OR5AS1: variants seen among roughly 807,000 people sequenced by gnomAD.
OR5AS1 encodes olfactory receptor family 5 subfamily AS member 1, also known as olfactory receptor 5AS1.
For missense variants in OR5AS1, 492 were observed against 378.2 expected, an observed-to-expected ratio of 1.30 and a Z score of -2.50; for synonymous variants, 196 against 141.7, an observed-to-expected ratio of 1.38 and a Z score of -2.72.
Position 56,036,101 on chromosome 11 carries a change from G to T in OR5AS1, c.*4708G>T, listed in dbSNP as rs1487530594. 6.6e-6 allele frequency: 1 copy of T among 151,912 alleles called. No individual in the cohort carries two copies. The highest frequency in any genetic ancestry group is 6.6e-5 in the Admixed American group (1 of 15,228). 9.4% of individuals were successfully genotyped at this position (151,912 alleles called of 1,614,324 possible). The stretch of plus-strand genomic sequence containing the variant: ...GAAACCAATGAGAACAAAGACACAA[G>T]GTATCAGAATCTCTGGGACATAGCT... On this transcript the variant is annotated 3_prime_UTR_variant, in exon 2 of 2. Coordinates refer to ENST00000641320, the MANE Select transcript of OR5AS1 (RefSeq NM_001001921.2).
In OR5AS1 at chr11:56,034,137, G is replaced by A. The variant is rs1853380353; in HGVS notation, c.*2744G>A. The A allele has an allele frequency of 6.6e-6, 1 of 152,132 alleles. No individual in the cohort carries two copies. The highest frequency in any genetic ancestry group is 1.5e-5 in the Non-Finnish European group (1 of 68,044). 9.4% of individuals were successfully genotyped at this position (152,132 alleles called of 1,614,324 possible). On this transcript the variant is annotated 3_prime_UTR_variant, in exon 2 of 2. Coordinates refer to ENST00000641320, the MANE Select transcript of OR5AS1 (RefSeq NM_001001921.2). ...CAAAGGTAGATAAATGCATGATGGT[G>A]AGGAAAAACCAATGCAAAAAGGCTG...
At position 56,029,615 on chromosome 11, in the gene OR5AS1, A is replaced by G. The variant is rs868073969; in HGVS notation, c.-28-776A>G. Among the ~76,000 whole-genome samples the G allele has an allele frequency of 5.3e-5, 8 of 152,182 alleles. No individual in the cohort carries two copies. In the South Asian group the frequency reaches 1.7e-3, roughly 32 times the overall value. On this transcript the variant is annotated intron_variant, in intron 1 of 1. Transcript: ENST00000641320. Reference sequence around the variant, plus strand: ...GATGTCAAAGACAAGATGAATATTGAGAATGATCTGGATATTTCATGGTGT... The same window carrying G: ...GATGTCAAAGACAAGATGAATATTGGGAATGATCTGGATATTTCATGGTGT...
intron 1 of OR5AS1, among the ~76,000 whole-genome samples, chr11:56,029,799 T>C (rs1158319060): frequency 6.6e-6 from 1 of 152,110 alleles, no homozygotes; most frequent in African/African-American, 2.4e-5. Flanking sequence ...TCATCTTAAC[T>C]ATCACAGAAA....
rs892423021 is a variant in OR5AS1, at chr11:56,038,028, C to A, written c.*6635C>A. On this transcript the variant is annotated 3_prime_UTR_variant, in exon 2 of 2. Coordinates refer to ENST00000641320, the MANE Select transcript of OR5AS1 (RefSeq NM_001001921.2). ...AAAACAAGCAATGAGGAAAGGATTC[C>A]CTATTTAATAAATGGTGTTGGGAAA... 2.0e-5 allele frequency: 3 copies of A among 152,184 alleles called. No homozygotes were observed. The highest frequency in any genetic ancestry group is 7.2e-5 in the African/African-American group (3 of 41,486). 9.4% of individuals were successfully genotyped at this position (152,184 alleles called of 1,614,324 possible).
rs1312393517 is a variant in OR5AS1, at chr11:56,031,102, C to T, written c.684C>T (p.Ile228=). 2 of 1,613,852 alleles carry T rather than the reference C, an allele frequency of 1.2e-6. No individual in the cohort carries two copies. The highest frequency in any genetic ancestry group is 2.2e-5 in the South Asian group (2 of 91,084). The change falls in exon 2 of 2, where the codon ATC becomes ATT. Residue 228 remains isoleucine (I), a synonymous_variant. Coordinates refer to ENST00000641320, the MANE Select transcript of OR5AS1 (RefSeq NM_001001921.2). ...GCATCCTCATCACTGTGTTGAGCATCAAGTCCTCAGGTGGCAGAAGCAAAA... is the reference window on the plus strand; with the variant it reads ...GCATCCTCATCACTGTGTTGAGCATTAAGTCCTCAGGTGGCAGAAGCAAAA... ...YFCILITVLS[I]KSSGGRSKTF... is the part of the protein sequence containing the mutation.
At position 56,035,349 on chromosome 11, in the gene OR5AS1, G is replaced by C. The variant is rs574072876; in HGVS notation, c.*3956G>C. 6.6e-6 allele frequency: 1 copy of C among 152,024 alleles called. No homozygotes were observed. The highest frequency in any genetic ancestry group is 1.5e-5 in the Non-Finnish European group (1 of 68,026). 9.4% of individuals were successfully genotyped at this position (152,024 alleles called of 1,614,324 possible). A position where few individuals can be genotyped will look rare whatever the true frequency, so the allele number is the denominator to read the frequency against. ...AATTGGATAGAGTCAAGACCGATTGGTGTGCTGTATTCAGGAGACCGATCT... is the reference window on the plus strand; with the variant it reads ...AATTGGATAGAGTCAAGACCGATTGCTGTGCTGTATTCAGGAGACCGATCT... On this transcript the variant is annotated 3_prime_UTR_variant, in exon 2 of 2. Transcript: ENST00000641320.
In OR5AS1 at chr11:56,030,473, G is replaced by T; in HGVS notation, c.55G>T (p.Asp19Tyr). 3 of 1,500,748 alleles carry T rather than the reference G, an allele frequency of 2.0e-6. No homozygotes were observed. The highest frequency in any genetic ancestry group is 2.7e-6 in the Non-Finnish European group (3 of 1,123,894). 93.0% of individuals were successfully genotyped at this position (1,500,748 alleles called of 1,614,324 possible). A position where few individuals can be genotyped will look rare whatever the true frequency, so the allele number is the denominator to read the frequency against. Residue 19 changes from aspartate (D) to tyrosine (Y), a missense_variant, in exon 2 of 2, where the codon GAT (aspartate) becomes TAT (tyrosine). Asp to Tyr is a radical substitution (Grantham distance 160, BLOSUM62 -3). Transcript: ENST00000641320. The stretch of plus-strand genomic sequence containing the variant: ...TGAGTTCCTATTTGTTGGATTCACA[G>T]ATTATCTACCTCTCAGAGTCACACT... ...PTEFLFVGFT[D>Y]YLPLRVTLFL...
chr11:56,029,454 A>T (rs1186277430), intron 1 of OR5AS1, among the ~76,000 whole-genome samples: 1 of 152,032 alleles, frequency 6.6e-6, no homozygotes, highest in East Asian at 1.9e-4. Context: ...AAAGTAAACT[A>T]AATCTTGAAA....
chr11:56,030,443 C>A lies in OR5AS1; in HGVS notation c.25C>A (p.Pro9Thr), dbSNP rs1853334964. 3 of 1,489,806 alleles carry A rather than the reference C, an allele frequency of 2.0e-6. No homozygotes were observed. Among genetic ancestry groups the A allele is most frequent in the Admixed American group, 2.3e-5 (1 of 42,956 alleles). The allele number at this position is 1,489,806 out of a possible 1,614,324, so 92.3% of individuals were successfully genotyped here. MLESNYTM[P>T]TEFLFVGFTD... Reference sequence around the variant, plus strand: ...GATGTTGGAGAGTAATTACACCATGCCAACTGAGTTCCTATTTGTTGGATT... The same window carrying A: ...GATGTTGGAGAGTAATTACACCATGACAACTGAGTTCCTATTTGTTGGATT... The change falls in exon 2 of 2, where the codon CCA becomes ACA. Residue 9 changes from proline (P) to threonine (T), a missense_variant. Coordinates refer to ENST00000641320, the MANE Select transcript of OR5AS1 (RefSeq NM_001001921.2).
chr11:56,028,126 G>A (rs921842495), intron 1 of OR5AS1, among the ~76,000 whole-genome samples: 3 of 151,878 alleles, frequency 2.0e-5, no homozygotes, highest in Non-Finnish European at 4.4e-5. Context: ...AAACAAACTA[G>A]GAGAATTTGT....
rs1853378713 is a variant in OR5AS1, at chr11:56,033,998, A to T, written c.*2605A>T. 6.6e-6 allele frequency: 1 copy of T among 152,430 alleles called. No individual in the cohort carries two copies. Among genetic ancestry groups the T allele is most frequent in the African/African-American group, 2.4e-5 (1 of 41,362 alleles). 9.4% of individuals were successfully genotyped at this position (152,430 alleles called of 1,614,324 possible). On this transcript the variant is annotated 3_prime_UTR_variant, in exon 2 of 2. Transcript: ENST00000641320. The stretch of plus-strand genomic sequence containing the variant: ...AGGGTCTGGAGTGGATCTCCAGCAA[A>T]CTCCAGCAGACCTGCAGCAGAGGGG...
rs143886238 is a variant in OR5AS1 at position 56,031,194 on chromosome 11, A to G, written c.776A>G (p.Tyr259Cys). The G allele has an allele frequency of 4.3e-4, 690 of 1,613,856 alleles. 7 individuals carry two copies. The African/African-American group carries it at 8.5e-3, about 20-fold the overall frequency. Residue 259 changes from tyrosine to cysteine, a missense_variant, in exon 2 of 2, where the codon TAC (tyrosine) becomes TGC (cysteine). Tyr to Cys is a radical substitution (Grantham distance 194). Coordinates refer to ENST00000641320, the MANE Select transcript of OR5AS1 (RefSeq NM_001001921.2). Reference sequence around the variant, plus strand: ...TTCTATGGAGCGCTCCTGTTTATGTACTTACAGCCCACCACTAGCTATTCC... The same window carrying G: ...TTCTATGGAGCGCTCCTGTTTATGTGCTTACAGCCCACCACTAGCTATTCC... ...TLFYGALLFM[Y>C]LQPTTSYSLD...
Position 56,038,013 on chromosome 11 carries a change from A to G in OR5AS1, c.*6620A>G, listed in dbSNP as rs542199713. The stretch of plus-strand genomic sequence containing the variant: ...TTGACAAACCTGACAAAAACAAGCA[A>G]TGAGGAAAGGATTCCCTATTTAATA... On this transcript the variant is annotated 3_prime_UTR_variant, in exon 2 of 2. Transcript: ENST00000641320. 2 of 152,306 alleles carry G rather than the reference A, an allele frequency of 1.3e-5. No homozygotes were observed. The highest frequency in any genetic ancestry group is 3.9e-4 in the East Asian group (2 of 5,186). The allele number at this position is 152,306 out of a possible 1,614,324, so 9.4% of individuals were successfully genotyped here.
intron 1 of OR5AS1, among the ~76,000 whole-genome samples, chr11:56,028,050 G>T (rs1853313971): frequency 6.6e-6 from 1 of 152,004 alleles, no homozygotes; most frequent in South Asian, 2.1e-4. Flanking sequence ...CTAAACCTCA[G>T]ATTTTATAAG....
rs978259650 is a variant in OR5AS1, at chr11:56,032,571, T to C, written c.*1178T>C. 1 of 152,160 alleles carries C rather than the reference T, an allele frequency of 6.6e-6. No individual in the cohort carries two copies. The highest frequency in any genetic ancestry group is 1.5e-5 in the Non-Finnish European group (1 of 68,034). 9.4% of individuals were successfully genotyped at this position (152,160 alleles called of 1,614,324 possible). A position where few individuals can be genotyped will look rare whatever the true frequency, so the allele number is the denominator to read the frequency against. On this transcript the variant is annotated 3_prime_UTR_variant, in exon 2 of 2. Coordinates refer to ENST00000641320, the MANE Select transcript of OR5AS1 (RefSeq NM_001001921.2). ...AAAATATAAATGGTTGGATTAGTTA[T>C]ATTGAATTTAACCTTGGACATGGAG...
chr11:56,030,754 C>T lies in OR5AS1; in HGVS notation c.336C>T (p.Cys112=). The T allele has an allele frequency of 6.2e-7, 1 of 1,613,466 alleles. No individual in the cohort carries two copies. The highest frequency in any genetic ancestry group is 8.5e-7 in the Non-Finnish European group (1 of 1,179,532). Residue 112 remains cysteine (C), a synonymous_variant, in exon 2 of 2, where the codon TGC becomes TGT. Coordinates refer to ENST00000641320, the MANE Select transcript of OR5AS1 (RefSeq NM_001001921.2). ...FFFASFADAE[C]LILAAMAYDR... ...TCGCTTCTTTTGCTGATGCTGAGTG[C>T]CTTATCCTGGCAGCAATGGCTTATG...
In OR5AS1 at chr11:56,036,807, GAC is replaced by G. The variant is rs1853410272; in HGVS notation, c.*5418_*5419del. The G allele has an allele frequency of 6.6e-6, 1 of 151,982 alleles. No individual in the cohort carries two copies. The highest frequency in any genetic ancestry group is 6.6e-5 in the Admixed American group (1 of 15,256). 9.4% of individuals were successfully genotyped at this position (151,982 alleles called of 1,614,324 possible). A position where few individuals can be genotyped will look rare whatever the true frequency, so the allele number is the denominator to read the frequency against. ...CATCCTGATATGAAAACCTGGCAGA[GAC>G]ACAGCAAAAAAAGAACATGCCAGGC... On this transcript the variant is annotated 3_prime_UTR_variant, in exon 2 of 2. Coordinates refer to ENST00000641320, the MANE Select transcript of OR5AS1 (RefSeq NM_001001921.2).
At chr11:56,028,670 G>A (rs1459159272) in intron 1 of OR5AS1, among the ~76,000 whole-genome samples, 3 of 152,046 alleles carry the variant, frequency 2.0e-5, no homozygotes, top group African/African-American at 4.8e-5. Context: ...GAGATGCTCA[G>A]TCTCTCACTG....
At position 56,037,884 on chromosome 11, in the gene OR5AS1, A is replaced by G. The variant is rs537288108; in HGVS notation, c.*6491A>G. 6.6e-6 allele frequency: 1 copy of G among 152,286 alleles called. No homozygotes were observed. Among genetic ancestry groups the G allele is most frequent in the Admixed American group, 6.5e-5 (1 of 15,296 alleles). 9.4% of individuals were successfully genotyped at this position (152,286 alleles called of 1,614,324 possible). On this transcript the variant is annotated 3_prime_UTR_variant, in exon 2 of 2. Coordinates refer to ENST00000641320, the MANE Select transcript of OR5AS1 (RefSeq NM_001001921.2). ...GCTTCAAACTATACTACAAGGCTAC[A>G]GTAATAAAAACAGTATGGTCCTGGT...
Sources: allele counts gnomAD v4.1 joint callset (sites outside exome capture counted in the v4.1 genomes callset), GRCh38; gene constraint gnomAD v4.1.1; transcripts MANE v1.5; gene names NCBI Gene and HGNC (gene_info 2026-07-23, HGNC 2026-07-21).